Variants in SNRPA1 observed in about 807,000 individuals in gnomAD.
SNRPA1 encodes U2 small nuclear ribonucleoprotein A'.
A neutral mutation model predicts 32.3 loss-of-function variants in SNRPA1; 5 were observed. That is an observed-to-expected ratio of 0.15 (90% CI 0.08 to 0.33). The LOEUF is 0.33. Ranked by LOEUF, SNRPA1 falls within the 10% of genes least tolerant of loss-of-function variation. The pLI is 1.00. For missense variants in SNRPA1, 198 were observed against 311.1 expected (o/e 0.64, Z 2.74); for synonymous variants, 111 against 120.1 (o/e 0.92, Z 0.50).
At chr15:101,286,704 C>G in intron 5 of SNRPA1, 1 of 513,422 alleles carries the variant, frequency 1.9e-6, no homozygotes, top group Non-Finnish European at 3.5e-6. Context: ...GAATAGCCAG[C>G]ATTACATAAG....
At chr15:101,289,306 G>C (rs779590340) in intron 3 of SNRPA1, among the ~76,000 whole-genome samples, 1 of 152,184 alleles carries the variant, frequency 6.6e-6, no homozygotes, top group African/African-American at 2.4e-5. Context: ...GCAGGGTAAA[G>C]GTGTCAAAGT....
chr15:101,290,344 G>A (rs897266280), intron 3 of SNRPA1, among the ~76,000 whole-genome samples: 7 of 152,122 alleles, frequency 4.6e-5, no homozygotes, highest in South Asian at 2.1e-4. Context: ...TTCTCTAACA[G>A]CACCTATCAT....
At chr15:101,293,403 A>G (rs2039550482) in intron 1 of SNRPA1, 2 of 366,184 alleles carry the variant, frequency 5.5e-6, no homozygotes, top group African/African-American at 2.1e-5. Context: ...TCTGATGACA[A>G]CAAGGACAAG....
chr15:101,281,928 T>C (rs1311913580), intron 8 of SNRPA1, 146 bp from the exon 9 acceptor site: 3 of 735,674 alleles, frequency 4.1e-6, no homozygotes. Context: ...TTGAGGAGCT[T>C]ATCGTCCAGG....
chr15:101,287,980 T>C (rs1434131870), intron 3 of SNRPA1: 5 of 391,818 alleles, frequency 1.3e-5, no homozygotes, highest in Admixed American at 3.8e-5. Context: ...TGCTGAGCCA[T>C]GATTTGGAAA....
At chr15:101,287,926 G>A in intron 3 of SNRPA1, 1 of 484,758 alleles carries the variant, frequency 2.1e-6, no homozygotes, top group Non-Finnish European at 3.8e-6. Flanking sequence ...TGTCTCAATA[G>A]CAGGAGATAA....
intron 3 of SNRPA1, among the ~76,000 whole-genome samples, chr15:101,290,948 C>T (rs1189670740): frequency 1.3e-5 from 2 of 151,970 alleles, no homozygotes; most frequent in African/African-American, 4.8e-5. Context: ...CACCATATTG[C>T]CCAGGCTGGT....
intron 2 of SNRPA1, 54 bp from the exon 3 acceptor site, chr15:101,292,094 T>C: frequency 1.7e-6 from 2 of 1,159,352 alleles, no homozygotes; most frequent in Non-Finnish European, 2.6e-6. Context: ...GCTAACAATT[T>C]TATCTACCTC....
intron 4 of SNRPA1, 78 bp from the exon 5 acceptor site, chr15:101,287,088 A>T (rs1567124899): frequency 1.5e-6 from 1 of 656,040 alleles, no homozygotes; most frequent in Non-Finnish European, 2.7e-6. Flanking sequence ...TAGTCTAAGG[A>T]ACCTATAAAT....
chr15:101,294,542 G>T (rs1351325531), intron 1 of SNRPA1, among the ~76,000 whole-genome samples: 1 of 152,180 alleles, frequency 6.6e-6, no homozygotes, highest in Non-Finnish European at 1.5e-5. Context: ...GTGCAAGCCT[G>T]GGTGACACAG....
chr15:101,287,720 C>T lies in SNRPA1; in HGVS notation c.310-18G>A, dbSNP rs1368996659. On this transcript the variant is annotated intron_variant, in intron 3 of 8. Transcript: ENST00000254193. ...AGATCACCCTGTCAAGCAATAGCCA[C>T]AGGTAAGAACGCGAATACCACACGC... 1 of 1,612,600 alleles carries T rather than the reference C, an allele frequency of 6.2e-7. No homozygotes were observed. Among genetic ancestry groups the T allele is most frequent in the Non-Finnish European group, 8.5e-7 (1 of 1,178,686 alleles).
chr15:101,282,120 C>G (rs746562524), intron 8 of SNRPA1, among the ~76,000 whole-genome samples: 2 of 152,252 alleles, frequency 1.3e-5, no homozygotes, highest in Non-Finnish European at 2.9e-5. Flanking sequence ...ACCGGAAATA[C>G]TCAAAAACAT....
intron 8 of SNRPA1, 45 bp downstream of exon 8, chr15:101,284,922 G>C (rs775623329): frequency 7.0e-7 from 1 of 1,419,728 alleles, no homozygotes. Flanking sequence ...GTTACACTCT[G>C]AGTGTAACAT....
At chr15:101,292,695 T>C (rs2039539748) in intron 2 of SNRPA1, 1 of 168,478 alleles carries the variant, frequency 5.9e-6, no homozygotes, top group African/African-American at 2.4e-5. Flanking sequence ...CCAAAATGTA[T>C]ACAAAGCAAC....
intron 3 of SNRPA1, 27 bp from the exon 4 acceptor site, chr15:101,287,729 A>G: frequency 6.2e-7 from 1 of 1,608,056 alleles, no homozygotes; most frequent in Non-Finnish European, 8.5e-7. Context: ...ACAGGTAAGA[A>G]CGCGAATACC....
rs989535201 is a variant in SNRPA1, at chr15:101,295,235, A to G, written c.-57T>C. The G allele has an allele frequency of 4.2e-6, 6 of 1,423,224 alleles. No individual in the cohort carries two copies. The highest frequency in any genetic ancestry group is 2.7e-5 in the South Asian group (2 of 73,808). The allele number at this position is 1,423,224 out of a possible 1,614,324, so 88.2% of individuals were successfully genotyped here. A position where few individuals can be genotyped will look rare whatever the true frequency, so the allele number is the denominator to read the frequency against. Reference sequence around the variant, plus strand: ...AAGCCCGTGGCCTCCCGCCAGCGAGACGTCCCAGCGTGCCCCGCGCCCCGC... The same window carrying G: ...AAGCCCGTGGCCTCCCGCCAGCGAGGCGTCCCAGCGTGCCCCGCGCCCCGC... On this transcript the variant is annotated 5_prime_UTR_variant, in exon 1 of 9. Transcript: ENST00000254193.
At chr15:101,287,912 C>A (rs2039473800) in intron 3 of SNRPA1, 2 of 520,802 alleles carry the variant, frequency 3.8e-6, no homozygotes, top group South Asian at 4.7e-5. Flanking sequence ...GCATTAACAG[C>A]TTCTGTCTCA....
chr15:101,286,091 C>G (rs746017777), intron 6 of SNRPA1, 123 bp downstream of exon 6: 19 of 809,484 alleles, frequency 2.3e-5, no homozygotes, highest in Non-Finnish European at 3.4e-5. Context: ...TATAAGCACT[C>G]AAATTTAATA....
intron 4 of SNRPA1, 89 bp from the exon 5 acceptor site, chr15:101,287,099 C>A: frequency 1.7e-6 from 1 of 588,590 alleles, no homozygotes; most frequent in Non-Finnish European, 3.1e-6. Context: ...ACCTATAAAT[C>A]AAGGGAACAT....
Sources: gnomAD v4.1 joint callset for allele counts (sites outside exome capture counted in the v4.1 genomes callset) on GRCh38, gnomAD v4.1.1 for gene constraint, MANE v1.5 for transcripts, NCBI Gene and HGNC (gene_info 2026-07-23, HGNC 2026-07-21) for gene names.